Variants in UBE4B observed in about 807,000 individuals in gnomAD.
UBE4B encodes ubiquitination factor E4B, also known as ubiquitin conjugation factor E4 B.
UBE4B carries 27 observed loss-of-function variants against 148.1 expected under a neutral mutation model. The ratio of observed to expected loss-of-function variants is 0.18; its 90% CI spans 0.13 to 0.25. UBE4B has a LOEUF of 0.25. UBE4B is among the 10% of genes least tolerant of loss of function. UBE4B has a pLI of 1.00. For synonymous variants in UBE4B, 596 were observed against 619.3 expected (o/e 0.96, Z 0.56); for missense variants, 1,170 against 1,662.4 (o/e 0.70, Z 5.15).
At chr1:10,154,891 C>G (rs565164016) in intron 21 of UBE4B, among the ~76,000 whole-genome samples, 1 of 151,154 alleles carries the variant, frequency 6.6e-6, no homozygotes, top group South Asian at 2.1e-4. Flanking sequence ...AAAATAGTAA[C>G]AGCGCATTGG....
intron 1 of UBE4B, chr1:10,054,389 T>A: frequency 4.4e-6 from 1 of 226,938 alleles, no homozygotes; most frequent in South Asian, 6.6e-5. Context: ...TTCTACTCAA[T>A]GAAGAGAAAC....
intron 1 of UBE4B, among the ~76,000 whole-genome samples, chr1:10,063,910 GA>G (rs778112938): frequency 0.034 from 4,366 of 129,402 alleles, 88 homozygotes; most frequent in African/African-American, 0.071. Context: ...CTGTCTCAAT[GA>G]AAAAAAAAAA....
At position 10,161,061 on chromosome 1, in the gene UBE4B, A is replaced by G; in HGVS notation, c.3054-81A>G. On this transcript the variant is annotated intron_variant, in intron 22 of 27. Transcript: ENST00000343090. The surrounding 1 kb of genome is among the most constrained non-coding windows in gnomAD (Gnocchi z 4.1). ...GGTGAGATAGTTGCAGTCTGGGTGG[A>G]GGTGCTTGTTCCCTGGGATTTGCTG... is the stretch of plus-strand genomic sequence containing the variant. The G allele has an allele frequency of 2.6e-6, 4 of 1,512,564 alleles. No individual in the cohort carries two copies. The highest frequency in any genetic ancestry group is 1.7e-4 in the Middle Eastern group (1 of 5,744). 93.7% of individuals were successfully genotyped at this position (1,512,564 alleles called of 1,614,324 possible). A position where few individuals can be genotyped will look rare whatever the true frequency, so the allele number is the denominator to read the frequency against.
intron 1 of UBE4B, chr1:10,059,380 G>A: frequency 5.0e-6 from 1 of 198,118 alleles, no homozygotes; most frequent in Admixed American, 4.7e-5. Context: ...TATTGTCAGA[G>A]CTCTGCCCTT....
intron 2 of UBE4B, among the ~76,000 whole-genome samples, chr1:10,083,894 A>G (rs1557538582): frequency 6.6e-6 from 1 of 152,122 alleles, no homozygotes; most frequent in African/African-American, 2.4e-5. Context: ...GGGTCATACT[A>G]ATTACTTTGT....
chr1:10,178,850 CTTTT>C lies in UBE4B; in HGVS notation c.3700+33_3700+36del, dbSNP rs759617025. The C allele has an allele frequency of 1.9e-5, 30 of 1,554,390 alleles. 2 individuals carry two copies. The South Asian group carries it at 3.6e-4, about 19-fold the overall frequency. On this transcript the variant is annotated intron_variant, in intron 26 of 27. Coordinates refer to ENST00000343090, the MANE Select transcript of UBE4B (RefSeq NM_001105562.3). ...GGACTCGTCGTTTTCATGCTGATTT[CTTTT>C]GAGTTAACTGGAAATCGATAACATT...
chr1:10,142,066 CA>C (rs1645791814), intron 17 of UBE4B, among the ~76,000 whole-genome samples: 1 of 151,730 alleles, frequency 6.6e-6, no homozygotes, highest in African/African-American at 2.4e-5. Flanking sequence ...CTATAAGCTC[CA>C]CCACATAATT....
chr1:10,095,207 G>A (rs1484078745), intron 2 of UBE4B, among the ~76,000 whole-genome samples: 1 of 152,150 alleles, frequency 6.6e-6, no homozygotes, highest in Non-Finnish European at 1.5e-5. Flanking sequence ...GTGATGAGGG[G>A]TGAGTTTTAG....
Position 10,178,648 on chromosome 1 carries a change from C to T in UBE4B, c.3530C>T (p.Ser1177Phe). 6.2e-7 allele frequency: 1 copy of T among 1,606,396 alleles called. No individual in the cohort carries two copies. Among genetic ancestry groups the T allele is most frequent in the Non-Finnish European group, 8.5e-7 (1 of 1,177,024 alleles). Residue 1177 changes from serine to phenylalanine, a missense_variant, in exon 26 of 28, where the codon TCC becomes TTC. Physicochemically the swap from Ser to Phe is radical, Grantham distance 155. Coordinates refer to ENST00000343090, the MANE Select transcript of UBE4B (RefSeq NM_001105562.3). ...FAKAIADDQR[S>F]YSKELFEEVI... The stretch of plus-strand genomic sequence containing the variant: ...ATTGCCATTCCTCCTTTGCAGAGAT[C>T]CTACAGTAAGGAATTGTTTGAAGAA...
At chr1:10,042,093 C>G (rs1040330873) in intron 1 of UBE4B, among the ~76,000 whole-genome samples, 1 of 152,182 alleles carries the variant, frequency 6.6e-6, no homozygotes, top group African/African-American at 2.4e-5. Context: ...CGCCGCCAGG[C>G]CCAGCCCTCC....
chr1:10,072,672 A>C (rs1191215601), intron 2 of UBE4B: 2 of 565,420 alleles, frequency 3.5e-6, no homozygotes, highest in African/African-American at 1.9e-5. Flanking sequence ...ACCTGATAGG[A>C]TGTTTAGAAC....
rs558834979 is a variant in UBE4B, at chr1:10,165,886, C to T, written c.3199-2250C>T. Among the ~76,000 whole-genome samples the T allele has an allele frequency of 2.6e-5, 4 of 152,282 alleles. No individual in the cohort carries two copies. The South Asian group carries it at 6.2e-4, about 24-fold the overall frequency. On this transcript the variant is annotated intron_variant, in intron 23 of 27. Transcript: ENST00000343090. Reference sequence around the variant, plus strand: ...TTTCTATGAAGCAGATCCTCCCTAACGGAATCTAAGCTGCATGAGAGCTGG... The same window carrying T: ...TTTCTATGAAGCAGATCCTCCCTAATGGAATCTAAGCTGCATGAGAGCTGG...
chr1:10,084,926 A>G (rs1644742082), intron 2 of UBE4B, among the ~76,000 whole-genome samples: 2 of 148,936 alleles, frequency 1.3e-5, no homozygotes, highest in Admixed American at 6.7e-5. Flanking sequence ...CTGGTCTCAG[A>G]CTCCTGGGGC....
chr1:10,090,624 C>T (rs1644832030), intron 2 of UBE4B, among the ~76,000 whole-genome samples: 2 of 152,082 alleles, frequency 1.3e-5, no homozygotes, highest in Non-Finnish European at 2.9e-5. Flanking sequence ...GAGATGATGT[C>T]TCACTATGTT....
At chr1:10,046,426 C>G (rs777446876) in intron 1 of UBE4B, among the ~76,000 whole-genome samples, 4 of 152,088 alleles carry the variant, frequency 2.6e-5, no homozygotes, top group Non-Finnish European at 4.4e-5. Flanking sequence ...TCTGCTGTCC[C>G]CCATACAGTG....
At chr1:10,090,180 T>G (rs1644823987) in intron 2 of UBE4B, among the ~76,000 whole-genome samples, 1 of 151,724 alleles carries the variant, frequency 6.6e-6, no homozygotes, top group Non-Finnish European at 1.5e-5. Flanking sequence ...AGTGCAGAGG[T>G]GCCATTGTGG....
At chr1:10,154,202 T>C (rs558244852) in intron 21 of UBE4B, among the ~76,000 whole-genome samples, 35 of 151,188 alleles carry the variant, frequency 2.3e-4, no homozygotes, top group Non-Finnish European at 4.3e-4. Context: ...AAGATCGCGC[T>C]ACTGCACTTC....
chr1:10,062,619 G>A (rs1004412615), intron 1 of UBE4B, among the ~76,000 whole-genome samples: 17 of 152,018 alleles, frequency 1.1e-4, no homozygotes, highest in African/African-American at 2.9e-4. Context: ...CCGCCTTAAT[G>A]CATTTTTTGT....
intron 1 of UBE4B, among the ~76,000 whole-genome samples, chr1:10,067,351 A>G (rs1644407868): frequency 1.3e-5 from 2 of 152,210 alleles, no homozygotes; most frequent in African/African-American, 2.4e-5. Flanking sequence ...GGTTTAGGAC[A>G]CAAATTGAGG....
Sources: allele counts gnomAD v4.1 joint callset (sites outside exome capture counted in the v4.1 genomes callset), GRCh38; gene constraint gnomAD v4.1.1; non-coding constraint Gnocchi (gnomAD v3.1); transcripts MANE v1.5; gene names NCBI Gene and HGNC (gene_info 2026-07-23, HGNC 2026-07-21).